SEMA6D: variants seen among roughly 807,000 people sequenced by gnomAD.
SEMA6D encodes the protein semaphorin-6D.
A neutral mutation model predicts 106.6 loss-of-function variants in SEMA6D; 35 were observed. That is an observed-to-expected ratio of 0.33 (90% CI 0.25 to 0.44). The LOEUF (loss-of-function observed/expected upper bound fraction) is 0.44. Ranked by LOEUF, SEMA6D falls within the 20% of genes least tolerant of loss-of-function variation. The probability of loss-of-function intolerance (pLI) is 1.00; values close to 1 mark genes in which losing one functional copy is unlikely to be tolerated. For missense variants in SEMA6D, 1,185 were observed against 1,345.9 expected, an observed-to-expected ratio of 0.88 and a Z score of 1.87; for synonymous variants, 499 against 487.7, an observed-to-expected ratio of 1.02 and a Z score of -0.31.
At chr15:47,361,394 A>T (rs2038798352) in intron 1 of SEMA6D, among the ~76,000 whole-genome samples, 1 of 152,252 alleles carries the variant, frequency 6.6e-6, no homozygotes, top group Admixed American at 6.5e-5. Flanking sequence ...GGAAAATAGC[A>T]TCAAACTAGA....
At chr15:47,515,352 T>C (rs1399655589) in intron 3 of SEMA6D, among the ~76,000 whole-genome samples, 1 of 152,200 alleles carries the variant, frequency 6.6e-6, no homozygotes, top group East Asian at 1.9e-4. Context: ...TTATATATTT[T>C]AGTTATTATG....
At chr15:47,595,852 T>C (rs1417778091) in intron 3 of SEMA6D, among the ~76,000 whole-genome samples, 1 of 152,136 alleles carries the variant, frequency 6.6e-6, no homozygotes, top group African/African-American at 2.4e-5. Flanking sequence ...ATCCAATTTA[T>C]TGGCATGTTA....
At chr15:47,716,280 G>T (rs887530259), upstream of SEMA6D, among the ~76,000 whole-genome samples, 3 of 152,152 alleles carry the variant, frequency 2.0e-5, no homozygotes, top group African/African-American at 4.8e-5. Flanking sequence ...ATAGTTCTCC[G>T]GATGAGTCCT....
intron 1 of SEMA6D, among the ~76,000 whole-genome samples, chr15:47,321,094 T>C (rs1209064906): frequency 1.3e-5 from 2 of 152,208 alleles, no homozygotes; most frequent in African/African-American, 2.4e-5. Context: ...TATCTCTTTA[T>C]TACTCATGCA....
rs376634499 is a variant in SEMA6D, at chr15:47,313,875, G to A, written c.-238-98518G>A. Among the ~76,000 whole-genome samples the A allele has an allele frequency of 6.6e-5, 10 of 152,284 alleles. No homozygotes were observed. In the East Asian group the frequency reaches 7.7e-4, roughly 12 times the overall value. ...CACCATGCCAGGCCCAAATTCTGGCGTTTATGAATAAAGATACTATAAACA... is the reference window on the plus strand; with the variant it reads ...CACCATGCCAGGCCCAAATTCTGGCATTTATGAATAAAGATACTATAAACA... On this transcript the variant is annotated intron_variant, in intron 1 of 19. Transcript: ENST00000558014.
At chr15:47,336,315 A>G (rs142029198) in intron 1 of SEMA6D, among the ~76,000 whole-genome samples, 56 of 152,262 alleles carry the variant, frequency 3.7e-4, no homozygotes, top group African/African-American at 1.2e-3. Flanking sequence ...CCTTCAGGCA[A>G]TTGGATATGC....
intron 1 of SEMA6D, among the ~76,000 whole-genome samples, chr15:47,260,580 G>A (rs563667536): frequency 6.6e-6 from 1 of 152,096 alleles, no homozygotes; most frequent in Non-Finnish European, 1.5e-5. Flanking sequence ...TGATGTGATA[G>A]GATTTTTCTG....
chr15:47,472,209 C>G (rs890633865), intron 3 of SEMA6D, among the ~76,000 whole-genome samples: 28 of 152,144 alleles, frequency 1.8e-4, no homozygotes. Flanking sequence ...GGATTAGACA[C>G]TAGCATGGGC....
chr15:47,658,484 G>A (rs2077849138), intron 4 of SEMA6D, among the ~76,000 whole-genome samples: 1 of 152,148 alleles, frequency 6.6e-6, no homozygotes, highest in South Asian at 2.1e-4. Context: ...AAAAAAATAT[G>A]TAGCTTAGAC....
intron 1 of SEMA6D, among the ~76,000 whole-genome samples, chr15:47,333,120 A>T (rs943750860): frequency 6.6e-6 from 1 of 152,178 alleles, no homozygotes; most frequent in Non-Finnish European, 1.5e-5. Context: ...GAGCGAGGTG[A>T]AAGAGTGAGT....
At chr15:47,760,805 AT>A (rs2082020292) in intron 3 of SEMA6D, among the ~76,000 whole-genome samples, 172 bp from the exon 4 acceptor site, 1 of 152,232 alleles carries the variant, frequency 6.6e-6, no homozygotes, top group African/African-American at 2.4e-5. Context: ...CTACAGTGAT[AT>A]ATAAAAGCAT....
In SEMA6D at chr15:47,506,683, A is replaced by G. The variant is rs576397784; in HGVS notation, c.-87+36138A>G. Among the ~76,000 whole-genome samples, 3 of 152,046 alleles carry G rather than the reference A, an allele frequency of 2.0e-5. No individual in the cohort carries two copies. The East Asian group carries it at 5.8e-4, about 29-fold the overall frequency. On this transcript the variant is annotated intron_variant, in intron 3 of 19. Transcript: ENST00000558014. ...CCCAGTGCCTCATTTTATAAATAAA[A>G]GGCAGTGCAGTGGAGGGATAGAAGC...
chr15:47,759,603 C>T (rs988966117), intron 1 of SEMA6D, 142 bp from the exon 2 acceptor site: 25 of 586,282 alleles, frequency 4.3e-5, no homozygotes, highest in Non-Finnish European at 6.1e-5. Context: ...GTGTTTTTGG[C>T]GATACCTGAT....
chr15:47,648,274 C>T lies in SEMA6D; in HGVS notation c.-55+47378C>T, dbSNP rs1370028147. ...TGTCTGCATGGGCTTCCTCCTGGTG[C>T]TCCGATTTCCTCTCACATCCTAAAG... On this transcript the variant is annotated intron_variant, in intron 4 of 19. Transcript: ENST00000558014. 3.9e-5 allele frequency among the ~76,000 whole-genome samples: 6 copies of T among 152,280 alleles called. No homozygotes were observed. The East Asian group carries it at 1.2e-3, about 29-fold the overall frequency.
intron 1 of SEMA6D, among the ~76,000 whole-genome samples, chr15:47,221,406 A>G (rs2031195840): frequency 6.6e-6 from 1 of 152,108 alleles, no homozygotes; most frequent in Admixed American, 6.6e-5. Context: ...TGTTTCTCCA[A>G]CCCTTGATTA....
At chr15:47,748,840 A>G (rs753802161) in intron 1 of SEMA6D, among the ~76,000 whole-genome samples, 1 of 152,318 alleles carries the variant, frequency 6.6e-6, no homozygotes, top group Middle Eastern at 3.4e-3. Flanking sequence ...TGTTTTAGAA[A>G]GATCATTCTG....
intron 1 of SEMA6D, among the ~76,000 whole-genome samples, chr15:47,305,849 A>T (rs1240338040): frequency 2.6e-5 from 4 of 152,216 alleles, no homozygotes; most frequent in African/African-American, 9.6e-5. Flanking sequence ...AGATCTTCTC[A>T]TATTGGCCAG....
intron 3 of SEMA6D, among the ~76,000 whole-genome samples, chr15:47,530,993 G>A (rs375884409): frequency 9.7e-4 from 147 of 152,162 alleles, no homozygotes; most frequent in African/African-American, 2.7e-3. Flanking sequence ...ATTATTATTG[G>A]CATAATTACT....
chr15:47,228,137 T>TACAC (rs72361942), intron 1 of SEMA6D, among the ~76,000 whole-genome samples: 2,286 of 135,054 alleles, frequency 0.017, 46 homozygotes, highest in African/African-American at 0.047. Context: ...TGTGTGTGTG[T>TACAC]ACACACACAC....
Sources: allele counts gnomAD v4.1 joint callset (sites outside exome capture counted in the v4.1 genomes callset), GRCh38; gene constraint gnomAD v4.1.1; transcripts MANE v1.5; gene names NCBI Gene and HGNC (gene_info 2026-07-23, HGNC 2026-07-21).